DST: variants seen among roughly 807,000 people sequenced by gnomAD.
DST encodes the protein bullous pemphigoid antigen.
Under a neutral mutation model 875.2 loss-of-function variants are expected in DST, and 253 were observed. The ratio of observed to expected loss-of-function variants is 0.29; its 90% confidence interval spans 0.26 to 0.32. The LOEUF (loss-of-function observed/expected upper bound fraction) is 0.32. Ranked by LOEUF, DST falls within the 10% of genes least tolerant of loss-of-function variation. DST has a pLI of 1.00. For synonymous variants in DST, 3,124 were observed against 3,197.1 expected (o/e 0.98, Z 0.77); for missense variants, 8,287 against 9,111.6 (o/e 0.91, Z 3.68).
intron 4 of DST, among the ~76,000 whole-genome samples, chr6:56,808,350 C>T (rs887391845): frequency 8.6e-5 from 13 of 151,492 alleles, no homozygotes; most frequent in Non-Finnish European, 1.9e-4. Flanking sequence ...TTAAATACTC[C>T]AGCAATAAAG....
chr6:56,605,912 T>A lies in DST; in HGVS notation c.8716A>T (p.Ser2906Cys), dbSNP rs760480982. The A allele has an allele frequency of 6.2e-7, 1 of 1,612,810 alleles. No homozygotes were observed. The highest frequency in any genetic ancestry group is 8.5e-7 in the Non-Finnish European group (1 of 1,179,384). ...TCATGGTTCAACAGATTTTCTTTGC[T>A]TTTTCCAGCAATCTCAGTTGTATAT... Reference protein sequence around the residue: ...PEYTTEIAGKSKENLLNHEMV... With the variant: ...PEYTTEIAGKCKENLLNHEMV... The change falls in exon 40 of 104, where the codon AGC becomes TGC. Residue 2906 changes from serine to cysteine, a missense_variant. Around this residue, in one of 10 missense-constraint regions of DST, gnomAD observed 3,138 missense variants for 3,116.6 expected, o/e 1.01. Coordinates refer to ENST00000680361, the MANE Select transcript of DST (RefSeq NM_001374736.1).
chr6:56,459,346 T>A, intron 103 of DST, 79 bp from the exon 104 acceptor site: 1 of 1,442,310 alleles, frequency 6.9e-7, no homozygotes, highest in Non-Finnish European at 9.2e-7. Context: ...GATGCCACCT[T>A]TAATCTTAAC....
intron 36 of DST, among the ~76,000 whole-genome samples, chr6:56,623,332 G>C (rs1214070517): frequency 2.0e-5 from 3 of 152,010 alleles, no homozygotes; most frequent in Admixed American, 1.3e-4. Context: ...CAATTTAAAA[G>C]ATCTGTATAC....
intron 4 of DST, among the ~76,000 whole-genome samples, chr6:56,737,363 C>T (rs1432078970): frequency 6.6e-6 from 1 of 152,162 alleles, no homozygotes; most frequent in African/African-American, 2.4e-5. Flanking sequence ...AACAGACACA[C>T]ATATTGCTGA....
intron 4 of DST, among the ~76,000 whole-genome samples, chr6:56,738,914 T>G (rs1290831540): frequency 6.6e-6 from 1 of 152,030 alleles, no homozygotes; most frequent in Non-Finnish European, 1.5e-5. Context: ...TGAACCACTG[T>G]GTCTGACCCT....
Position 56,610,563 on chromosome 6 carries a change from C to G in DST, c.5148-1G>C. The G allele has an allele frequency of 6.4e-7, 1 of 1,574,004 alleles. No homozygotes were observed. Among genetic ancestry groups the G allele is most frequent in the Non-Finnish European group, 8.6e-7 (1 of 1,162,320 alleles). ...TTCATTTCTTTCTTCATCTGTCATT[C>G]TAAATAACCAGAAATGATAAAAAGA... On this transcript the variant is annotated splice_acceptor_variant, in intron 38 of 103. Coordinates refer to ENST00000680361, the MANE Select transcript of DST (RefSeq NM_001374736.1). LOFTEE classifies it high-confidence loss of function.
intron 4 of DST, among the ~76,000 whole-genome samples, chr6:56,814,540 A>C (rs1290497643): frequency 6.6e-6 from 1 of 152,154 alleles, no homozygotes; most frequent in Non-Finnish European, 1.5e-5. Flanking sequence ...CAAAGAAAAC[A>C]CTTAATTTGA....
intron 36 of DST, chr6:56,616,039 G>T (rs1408923671): frequency 1.9e-6 from 3 of 1,614,060 alleles, no homozygotes; most frequent in Non-Finnish European, 2.5e-6. Flanking sequence ...GGCATCGGAG[G>T]GCAGTAATCC....
chr6:56,934,387 A>T (rs1811756828), intron 2 of DST, among the ~76,000 whole-genome samples: 1 of 151,600 alleles, frequency 6.6e-6, no homozygotes, highest in South Asian at 2.1e-4. Flanking sequence ...TTATTTTTTT[A>T]ATTTGGAAAG....
chr6:56,625,157 C>T lies in DST; in HGVS notation c.4830G>A (p.Glu1610=). ...MQSSADLIIQ[E]FMDLRTRYTA... ...CCTCTTTCTCTCATACTTTTATTACCTCTTGAATAATGAGATCTGCTGAAC... is the reference window on the plus strand; with the variant it reads ...CCTCTTTCTCTCATACTTTTATTACTTCTTGAATAATGAGATCTGCTGAAC... Residue 1610 remains glutamate, a splice_region_variant and synonymous_variant, in exon 35 of 104, where the codon GAG becomes GAA. Coordinates refer to ENST00000680361, the MANE Select transcript of DST (RefSeq NM_001374736.1). 5 of 1,601,860 alleles carry T rather than the reference C, an allele frequency of 3.1e-6. No individual in the cohort carries two copies. Among genetic ancestry groups the T allele is most frequent in the Non-Finnish European group, 4.3e-6 (5 of 1,169,132 alleles).
At chr6:56,669,145 C>T (rs2099086718) in intron 10 of DST, among the ~76,000 whole-genome samples, 1 of 151,804 alleles carries the variant, frequency 6.6e-6, no homozygotes, top group Admixed American at 6.6e-5. Context: ...CATTAACTAT[C>T]CTATATAATT....
At chr6:56,566,841 T>C (rs181642610) in intron 55 of DST, among the ~76,000 whole-genome samples, 2 of 152,294 alleles carry the variant, frequency 1.3e-5, no homozygotes, top group African/African-American at 4.8e-5. Context: ...GGAGGCAGAA[T>C]AATTTTTTTA....
At chr6:56,692,909 G>T (rs1446526537) in intron 9 of DST, 2 of 1,289,752 alleles carry the variant, frequency 1.6e-6, no homozygotes, top group South Asian at 2.5e-5. Flanking sequence ...GATTCCTGCT[G>T]TACCAGTCCC....
chr6:56,544,113 G>T (rs1374045436), intron 61 of DST, among the ~76,000 whole-genome samples: 2 of 152,232 alleles, frequency 1.3e-5, no homozygotes, highest in Non-Finnish European at 2.9e-5. Context: ...CACACAGGCT[G>T]TAATAAGGCA....
At chr6:56,491,755 T>C (rs1047147497) in intron 85 of DST, among the ~76,000 whole-genome samples, 2 of 152,162 alleles carry the variant, frequency 1.3e-5, no homozygotes, top group African/African-American at 4.8e-5. Context: ...ACAGAGAATA[T>C]GCCCCTTCAG....
intron 102 of DST, 58 bp from the exon 103 acceptor site, chr6:56,460,312 A>G: frequency 3.1e-6 from 5 of 1,588,118 alleles, no homozygotes; most frequent in Non-Finnish European, 3.4e-6. Context: ...ATGATATTCC[A>G]CTGACACCAC....
chr6:56,948,511 G>A (rs534022842), intron 2 of DST, among the ~76,000 whole-genome samples: 4 of 152,246 alleles, frequency 2.6e-5, no homozygotes, highest in African/African-American at 7.2e-5. Context: ...GGGTTCCATC[G>A]GGCTACTCAG....
chr6:56,475,166 T>C (rs938248756), intron 92 of DST, among the ~76,000 whole-genome samples: 2 of 152,048 alleles, frequency 1.3e-5, no homozygotes, highest in African/African-American at 4.8e-5. Context: ...GGCTTATTAT[T>C]ATTATTTACT....
At chr6:56,907,668 G>A (rs1220434022) in intron 2 of DST, among the ~76,000 whole-genome samples, 2 of 152,102 alleles carry the variant, frequency 1.3e-5, no homozygotes, top group East Asian at 3.8e-4. Flanking sequence ...TGTATCCACA[G>A]GACTGGAAGT....
Sources: allele counts gnomAD v4.1 joint callset (sites outside exome capture counted in the v4.1 genomes callset), GRCh38; gene constraint gnomAD v4.1.1; regional missense constraint gnomAD v4.1.1; transcripts MANE v1.5; gene names NCBI Gene and HGNC (gene_info 2026-07-23, HGNC 2026-07-21).